Variants in ADARB2 observed in about 807,000 individuals in gnomAD.
ADARB2 encodes the protein inactive double-stranded RNA-specific editase B2.
Under a neutral mutation model 62.2 loss-of-function variants are expected in ADARB2, and 25 were observed. The ratio of observed to expected loss-of-function variants is 0.40; its 90% CI spans 0.29 to 0.56. The LOEUF (loss-of-function observed/expected upper bound fraction) is 0.56, where lower values mean the gene tolerates loss of function less well. ADARB2 is among the 20% of genes least tolerant of loss of function. The pLI, the probability that ADARB2 is intolerant of heterozygous loss-of-function variation, is 0.43. For missense variants in ADARB2, 1,071 were observed against 1,077.4 expected, an observed-to-expected ratio of 0.99 and a Z score of 0.08; for synonymous variants, 572 against 500.8, an observed-to-expected ratio of 1.14 and a Z score of -1.90.
At chr10:1,203,121 G>T (rs1462417527) in intron 7 of ADARB2, among the ~76,000 whole-genome samples, 4 of 152,106 alleles carry the variant, frequency 2.6e-5, no homozygotes, top group Non-Finnish European at 2.9e-5. Context: ...TGTTCAAACA[G>T]CTGATATTAC....
At chr10:1,622,835 C>A (rs998222584) in intron 1 of ADARB2, among the ~76,000 whole-genome samples, 3 of 152,134 alleles carry the variant, frequency 2.0e-5, no homozygotes, top group Non-Finnish European at 4.4e-5. Flanking sequence ...GCACCCACCT[C>A]GGAGGAATGA....
chr10:1,362,213 A>G (rs1389880084), intron 3 of ADARB2, among the ~76,000 whole-genome samples: 2 of 152,274 alleles, frequency 1.3e-5, no homozygotes, highest in African/African-American at 4.8e-5. Flanking sequence ...TACGCCGAGT[A>G]ACCAATGGAA....
At chr10:1,189,679 A>G (rs2131736228) in intron 8 of ADARB2, among the ~76,000 whole-genome samples, 1 of 152,070 alleles carries the variant, frequency 6.6e-6, no homozygotes, top group Non-Finnish European at 1.5e-5. Context: ...GTTCCTCAAG[A>G]TAACACAGCA....
intron 1 of ADARB2, among the ~76,000 whole-genome samples, chr10:1,424,992 A>T (rs1832882859): frequency 6.6e-6 from 1 of 152,202 alleles, no homozygotes; most frequent in South Asian, 2.1e-4. Context: ...AGCTGCATGA[A>T]AAAAAGCTAA....
chr10:1,593,273 A>T lies in ADARB2; in HGVS notation c.100+143778T>A, dbSNP rs1319728939. 1.4e-4 allele frequency among the ~76,000 whole-genome samples: 18 copies of T among 130,786 alleles called. 1 individual carries two copies. Among genetic ancestry groups the T allele is most frequent in the African/African-American group, 4.2e-4 (14 of 33,226 alleles). 85.8% of individuals were successfully genotyped at this position (130,786 alleles called of 152,430 possible). ...CTCTGTCACCCAGCTTCCCTCACCC[A>T]AGCCACCCTCCATAGGTCTCCTCTC... On this transcript the variant is annotated intron_variant, in intron 1 of 9. Transcript: ENST00000381312.
intron 1 of ADARB2, among the ~76,000 whole-genome samples, chr10:1,649,217 G>C (rs1256362484): frequency 6.6e-6 from 1 of 152,170 alleles, no homozygotes; most frequent in Non-Finnish European, 1.5e-5. Context: ...AAAGAAGGAT[G>C]ATTTATTTTT....
chr10:1,256,518 A>G (rs1831080732), intron 4 of ADARB2, among the ~76,000 whole-genome samples: 1 of 152,210 alleles, frequency 6.6e-6, no homozygotes, highest in Non-Finnish European at 1.5e-5. Flanking sequence ...AACACTGCTA[A>G]TCAGCTATCT....
intron 1 of ADARB2, among the ~76,000 whole-genome samples, chr10:1,551,519 C>T (rs1832622114): frequency 6.6e-6 from 1 of 152,238 alleles, no homozygotes; most frequent in Non-Finnish European, 1.5e-5. Context: ...ACTTTCCCTT[C>T]CTGGGCGGCT....
chr10:1,554,134 T>C (rs1832668443), intron 1 of ADARB2, among the ~76,000 whole-genome samples: 1 of 152,134 alleles, frequency 6.6e-6, no homozygotes, highest in Admixed American at 6.5e-5. Flanking sequence ...CTATTTCTCT[T>C]TCCCCACCCA....
chr10:1,615,595 G>A (rs116905511), intron 1 of ADARB2, among the ~76,000 whole-genome samples: 6 of 152,228 alleles, frequency 3.9e-5, no homozygotes, highest in African/African-American at 7.2e-5. Flanking sequence ...TGGGAATTGG[G>A]CTCTCCCACT....
chr10:1,219,482 T>G (rs2131756225), intron 6 of ADARB2, among the ~76,000 whole-genome samples: 1 of 152,370 alleles, frequency 6.6e-6, no homozygotes, highest in South Asian at 2.1e-4. Flanking sequence ...AGGCTTCAGA[T>G]GGCTTTTCAC....
Position 1,734,548 on chromosome 10 carries a change from C to T in ADARB2, c.100+2503G>A, listed in dbSNP as rs568331590. ...ACATAGAAAAGGAGCCAGATGTCAC[C>T]ACACTGGGAAATTAAAGTTATCATG... On this transcript the variant is annotated intron_variant, in intron 1 of 9. Transcript: ENST00000381312. 5.3e-5 allele frequency among the ~76,000 whole-genome samples: 8 copies of T among 152,268 alleles called. No homozygotes were observed. In the South Asian group the frequency reaches 1.7e-3, roughly 32 times the overall value.
chr10:1,302,650 A>C (rs917909732), intron 3 of ADARB2, among the ~76,000 whole-genome samples: 1 of 152,248 alleles, frequency 6.6e-6, no homozygotes, highest in African/African-American at 2.4e-5. Flanking sequence ...TGAAGAGAGC[A>C]GGGGTTCTCC....
intron 1 of ADARB2, among the ~76,000 whole-genome samples, chr10:1,729,922 A>G (rs1189490451): frequency 2.6e-5 from 4 of 152,220 alleles, no homozygotes; most frequent in African/African-American, 9.6e-5. Context: ...CGGCAGTGGG[A>G]AACAAGAATC....
intron 3 of ADARB2, among the ~76,000 whole-genome samples, chr10:1,335,441 G>A (rs530376523): frequency 6.8e-6 from 1 of 147,694 alleles, no homozygotes; most frequent in South Asian, 2.2e-4. Flanking sequence ...GAGAAATAGA[G>A]GAAGGGATGG....
At chr10:1,680,152 G>A (rs1367995804) in intron 1 of ADARB2, among the ~76,000 whole-genome samples, 3 of 151,136 alleles carry the variant, frequency 2.0e-5, no homozygotes, top group South Asian at 2.1e-4. Context: ...TGTGTAACCC[G>A]CCACTCATAC....
chr10:1,300,006 G>A (rs1456228374), intron 3 of ADARB2, among the ~76,000 whole-genome samples: 1 of 152,156 alleles, frequency 6.6e-6, no homozygotes, highest in Non-Finnish European at 1.5e-5. Flanking sequence ...GGACCCTGGA[G>A]GCAGAGGTCC....
intron 1 of ADARB2, among the ~76,000 whole-genome samples, chr10:1,482,266 T>C (rs562635213): frequency 6.6e-6 from 1 of 152,304 alleles, no homozygotes; most frequent in South Asian, 2.1e-4. Flanking sequence ...GGGGCTAGAA[T>C]GGATATTCAA....
chr10:1,693,007 T>C (rs77920926), intron 1 of ADARB2, among the ~76,000 whole-genome samples: 8,570 of 152,254 alleles, frequency 0.056, 322 homozygotes, highest in Middle Eastern at 0.095. Flanking sequence ...GTGCTAGTCC[T>C]GAAGCCTGGA....
Sources: gnomAD v4.1 joint callset for allele counts (sites outside exome capture counted in the v4.1 genomes callset) on GRCh38, gnomAD v4.1.1 for gene constraint, MANE v1.5 for transcripts, NCBI Gene and HGNC (gene_info 2026-07-23, HGNC 2026-07-21) for gene names.